Variants in LHFPL3 observed in about 807,000 individuals in gnomAD.
LHFPL3 encodes LHFPL tetraspan subfamily member 3, also known as LHFPL tetraspan subfamily member 3 protein.
A neutral mutation model predicts 19.3 loss-of-function variants in LHFPL3; 5 were observed. That is an observed-to-expected ratio of 0.26 (90% confidence interval 0.14 to 0.54). LHFPL3 has a LOEUF of 0.54. LHFPL3 is among the 20% of genes least tolerant of loss of function. The probability of loss-of-function intolerance (pLI) is 0.94; values close to 1 mark genes in which losing one functional copy is unlikely to be tolerated. For missense variants in LHFPL3, 249 were observed against 307.4 expected (o/e 0.81, Z 1.42); for synonymous variants, 133 against 126.2 (o/e 1.05, Z -0.36).
chr7:104,614,586 T>C (rs6466005), intron 1 of LHFPL3, among the ~76,000 whole-genome samples: 3 of 60,232 alleles, frequency 5.0e-5, no homozygotes, highest in African/African-American at 7.2e-5. Context: ...CCTCTTCTCT[T>C]CTCTCTCTTC....
intron 1 of LHFPL3, among the ~76,000 whole-genome samples, chr7:104,416,089 A>G (rs895019288): frequency 2.0e-5 from 3 of 152,220 alleles, no homozygotes; most frequent in Non-Finnish European, 4.4e-5. Flanking sequence ...ATAAGTTTAC[A>G]CTGCAGTCAG....
At chr7:104,603,066 TTTTC>T (rs373564018) in intron 1 of LHFPL3, among the ~76,000 whole-genome samples, 14,566 of 107,974 alleles carry the variant, frequency 0.13, 994 homozygotes, top group Non-Finnish European at 0.15. Flanking sequence ...CTTTCTTTCT[TTTTC>T]TTTCTTTCTT....
At chr7:104,732,673 C>G (rs1477950034) in intron 1 of LHFPL3, among the ~76,000 whole-genome samples, 1 of 152,080 alleles carries the variant, frequency 6.6e-6, no homozygotes, top group African/African-American at 2.4e-5. Flanking sequence ...TTCAAAAAAC[C>G]AGCTCCTGGA....
intron 1 of LHFPL3, among the ~76,000 whole-genome samples, chr7:104,440,205 C>T (rs552666557): frequency 1.3e-5 from 2 of 151,398 alleles, no homozygotes; most frequent in Non-Finnish European, 2.9e-5. Context: ...AAGCCATACA[C>T]ATGTACACCA....
intron 1 of LHFPL3, among the ~76,000 whole-genome samples, chr7:104,444,512 C>G (rs1309922911): frequency 6.6e-6 from 1 of 152,170 alleles, no homozygotes; most frequent in Non-Finnish European, 1.5e-5. Flanking sequence ...CTCTGCATCT[C>G]TATTGTGTTG....
intron 2 of LHFPL3, among the ~76,000 whole-genome samples, chr7:104,839,779 GAGGGT>G (rs1223636102): frequency 2.0e-5 from 3 of 152,190 alleles, no homozygotes. Flanking sequence ...TCTGCACTCA[GAGGGT>G]AGGTTGGCTA....
chr7:104,492,268 A>T (rs1435054799), intron 1 of LHFPL3, among the ~76,000 whole-genome samples: 2 of 83,368 alleles, frequency 2.4e-5, no homozygotes, highest in Admixed American at 2.7e-4. Context: ...ACTAGTTAAC[A>T]GGAAATAATA....
chr7:104,831,208 A>C (rs540401325), intron 2 of LHFPL3, among the ~76,000 whole-genome samples: 1 of 108,950 alleles, frequency 9.2e-6, no homozygotes, highest in East Asian at 2.6e-4. Flanking sequence ...GTATATCGTC[A>C]AGCTGCACTT....
At chr7:104,585,480 A>AACACACAAACACACAC (rs368941359) in intron 1 of LHFPL3, among the ~76,000 whole-genome samples, 3 of 123,460 alleles carry the variant, frequency 2.4e-5, no homozygotes, top group East Asian at 4.8e-4. Flanking sequence ...AACACACACA[A>AACACACAAACACACAC]ACACACACAC....
chr7:104,511,949 T>C (rs1430827143), intron 1 of LHFPL3, among the ~76,000 whole-genome samples: 7 of 145,816 alleles, frequency 4.8e-5, no homozygotes, highest in East Asian at 3.9e-4. Context: ...CTTTTCTTTT[T>C]TTTTTTTTTT....
At chr7:104,593,456 C>T (rs187084998) in intron 1 of LHFPL3, among the ~76,000 whole-genome samples, 2 of 152,192 alleles carry the variant, frequency 1.3e-5, no homozygotes, top group Admixed American at 6.5e-5. Flanking sequence ...GCTTTACTTC[C>T]AAGTCTGTGG....
chr7:104,616,763 G>T (rs1343050429), intron 1 of LHFPL3, among the ~76,000 whole-genome samples: 3 of 151,966 alleles, frequency 2.0e-5, no homozygotes, highest in Admixed American at 6.6e-5. Context: ...TCTGACAAAG[G>T]TCTAATATCC....
chr7:104,636,739 A>G (rs1791734529), intron 1 of LHFPL3, among the ~76,000 whole-genome samples: 2 of 152,180 alleles, frequency 1.3e-5, no homozygotes, highest in South Asian at 4.1e-4. Flanking sequence ...TTATGGCTGC[A>G]TAGTATTCCA....
chr7:104,431,641 A>G (rs1267300043), intron 1 of LHFPL3, among the ~76,000 whole-genome samples: 4 of 152,230 alleles, frequency 2.6e-5, no homozygotes, highest in Non-Finnish European at 5.9e-5. Context: ...GGACATCATA[A>G]GCCTGAGAAT....
intron 1 of LHFPL3, among the ~76,000 whole-genome samples, chr7:104,444,090 C>A (rs1792280052): frequency 6.6e-6 from 1 of 152,188 alleles, no homozygotes; most frequent in South Asian, 2.1e-4. Flanking sequence ...TAAATACTTT[C>A]CCTAAAATTG....
intron 1 of LHFPL3, among the ~76,000 whole-genome samples, chr7:104,463,697 ATAT>A (rs1489761602): frequency 9.2e-5 from 14 of 152,204 alleles, no homozygotes; most frequent in African/African-American, 3.1e-4. Flanking sequence ...AAATGATCAG[ATAT>A]TATGAGAACT....
At chr7:104,855,963 G>T (rs969137841) in intron 2 of LHFPL3, among the ~76,000 whole-genome samples, 1 of 152,068 alleles carries the variant, frequency 6.6e-6, no homozygotes, top group Non-Finnish European at 1.5e-5. Context: ...ACCAAAACTT[G>T]CCTGGCCCAG....
At chr7:104,524,530 A>G (rs750011499) in intron 1 of LHFPL3, among the ~76,000 whole-genome samples, 1 of 152,264 alleles carries the variant, frequency 6.6e-6, no homozygotes, top group South Asian at 2.1e-4. Flanking sequence ...CCCTGTATCT[A>G]TCTCTTCCTT....
chr7:104,345,106 T>C (rs1204960180), intron 1 of LHFPL3, among the ~76,000 whole-genome samples: 1 of 152,184 alleles, frequency 6.6e-6, no homozygotes, highest in African/African-American at 2.4e-5. Flanking sequence ...TCATCTAGGC[T>C]TTTTATTTCA....
Sources: allele counts gnomAD v4.1 joint callset (sites outside exome capture counted in the v4.1 genomes callset), GRCh38; gene constraint gnomAD v4.1.1; transcripts MANE v1.5; gene names NCBI Gene and HGNC (gene_info 2026-07-23, HGNC 2026-07-21).